CSMD1: variants seen among roughly 807,000 people sequenced by gnomAD.
CSMD1 encodes the protein CUB and Sushi multiple domains 1.
In CSMD1, 213 loss-of-function variants were observed where a neutral mutation model predicts 417.5. The observed-to-expected ratio is 0.51, with a 90% confidence interval of 0.46 to 0.57. CSMD1 has a LOEUF of 0.57. CSMD1 is among the 20% of genes least tolerant of loss of function. CSMD1 has a pLI of 0.00. For synonymous variants in CSMD1, 2,862 were observed against 1,736.8 expected, an observed-to-expected ratio of 1.65 and a Z score of -16.11; for missense variants, 6,923 against 4,529.7, an observed-to-expected ratio of 1.53 and a Z score of -15.17.
chr8:3,644,966 G>GAAAAAAAAAAAAAACA (rs1797501956), intron 7 of CSMD1, among the ~76,000 whole-genome samples: 1 of 64,544 alleles, frequency 1.5e-5, no homozygotes, highest in African/African-American at 8.0e-5. Flanking sequence ...GGCTTTAAAT[G>GAAAAAAAAAAAAAACA]AAAAAAAAAA....
At chr8:2,944,483 T>C (rs1318856275) in intron 68 of CSMD1, among the ~76,000 whole-genome samples, 2 of 152,170 alleles carry the variant, frequency 1.3e-5, no homozygotes, top group African/African-American at 2.4e-5. Context: ...GAAAATCATA[T>C]GTTAGTACAT....
At chr8:4,486,204 CAT>C (rs1200901429) in intron 2 of CSMD1, among the ~76,000 whole-genome samples, 1,219 of 16,524 alleles carry the variant, frequency 0.074, 66 homozygotes, top group African/African-American at 0.14. Flanking sequence ...TATATACATA[CAT>C]ATATATATAT....
At chr8:4,089,190 G>C (rs1415087038) in intron 3 of CSMD1, among the ~76,000 whole-genome samples, 1 of 152,146 alleles carries the variant, frequency 6.6e-6, no homozygotes, top group Non-Finnish European at 1.5e-5. Flanking sequence ...CAATCTGTTT[G>C]GCTGCCTGCC....
intron 6 of CSMD1, among the ~76,000 whole-genome samples, chr8:3,728,997 A>C (rs1398329981): frequency 6.6e-6 from 1 of 152,172 alleles, no homozygotes; most frequent in African/African-American, 2.4e-5. Flanking sequence ...GTGTGATGCT[A>C]CTGTCCTCTG....
chr8:3,145,518 A>T (rs1318796992), intron 40 of CSMD1, among the ~76,000 whole-genome samples: 2 of 152,196 alleles, frequency 1.3e-5, no homozygotes, highest in Non-Finnish European at 2.9e-5. Context: ...ATTCAGTTTG[A>T]AAAGGAAATG....
chr8:3,569,610 G>A (rs1461204897), intron 10 of CSMD1, among the ~76,000 whole-genome samples: 1 of 152,182 alleles, frequency 6.6e-6, no homozygotes, highest in Non-Finnish European at 1.5e-5. Flanking sequence ...TCTGGCAAGA[G>A]TCATTGCATG....
At chr8:4,480,916 A>G (rs892126086) in intron 2 of CSMD1, among the ~76,000 whole-genome samples, 12 of 152,144 alleles carry the variant, frequency 7.9e-5, no homozygotes, top group Non-Finnish European at 1.6e-4. Context: ...TGTTGAGTTC[A>G]TCATCTTAGT....
chr8:4,175,514 T>C (rs907817291), intron 3 of CSMD1, among the ~76,000 whole-genome samples: 1 of 151,500 alleles, frequency 6.6e-6, no homozygotes, highest in African/African-American at 2.4e-5. Context: ...CAAAGACAAC[T>C]GATAGAAGCC....
chr8:2,977,506 T>C (rs542842805), intron 55 of CSMD1, among the ~76,000 whole-genome samples: 2 of 152,324 alleles, frequency 1.3e-5, no homozygotes, highest in Non-Finnish European at 2.9e-5. Context: ...GTTTTACTGA[T>C]GGGCACTTGG....
Position 4,637,485 on chromosome 8 carries a change from C to G in CSMD1, c.159G>C (p.Pro53=), listed in dbSNP as rs752200510. ...TGATCCAGGTGCAGTTGGCATAGTT[C>G]GGATACCCGTGAGGAAACCCTGGGC... ...IESPGFPHGY[P]NYANCTWIII... Residue 53 remains proline, a synonymous_variant, in exon 2 of 70, where the codon CCG becomes CCC. Transcript: ENST00000635120. 1.9e-6 allele frequency: 3 copies of G among 1,613,636 alleles called. No homozygotes were observed. In the African/African-American group the frequency reaches 4.0e-5, roughly 22 times the overall value.
intron 3 of CSMD1, among the ~76,000 whole-genome samples, chr8:4,402,602 A>C (rs549785065): frequency 6.6e-6 from 1 of 152,114 alleles, no homozygotes; most frequent in Admixed American, 6.5e-5. Flanking sequence ...TGAATATTAC[A>C]TTACTGCTCC....
In CSMD1 at chr8:4,347,345, T is replaced by A. The variant is rs2128898586; in HGVS notation, c.415+72608A>T. On this transcript the variant is annotated intron_variant, in intron 3 of 69. Transcript: ENST00000635120. ...GTCTATAGCATAGGACAAAACTACATAATATAATCGATACTCTCTGCTCTT... is the reference window on the plus strand; with the variant it reads ...GTCTATAGCATAGGACAAAACTACAAAATATAATCGATACTCTCTGCTCTT... 2.0e-5 allele frequency among the ~76,000 whole-genome samples: 3 copies of A among 152,280 alleles called. No individual in the cohort carries two copies. The East Asian group carries it at 5.8e-4, about 29-fold the overall frequency.
rs1585600734 is a variant in CSMD1, at chr8:3,188,735, T to C, written c.5523+152A>G. ...ATACTAAGAAAAGGGAAACAGAGTATAGTCTATGTATTTAAAATAACCAGT... is the reference window on the plus strand; with the variant it reads ...ATACTAAGAAAAGGGAAACAGAGTACAGTCTATGTATTTAAAATAACCAGT... On this transcript the variant is annotated intron_variant, in intron 35 of 69. Transcript: ENST00000635120. 2.6e-5 allele frequency among the ~76,000 whole-genome samples: 4 copies of C among 151,988 alleles called. No homozygotes were observed. In the South Asian group the frequency reaches 8.3e-4, roughly 32 times the overall value.
chr8:4,610,741 A>C (rs551080164), intron 2 of CSMD1, among the ~76,000 whole-genome samples: 74 of 152,322 alleles, frequency 4.9e-4, no homozygotes, highest in African/African-American at 1.6e-3. Context: ...CTTCATGACT[A>C]CACTGCCAAT....
intron 5 of CSMD1, among the ~76,000 whole-genome samples, chr8:3,973,759 C>G (rs73658515): frequency 2.0e-5 from 3 of 152,132 alleles, no homozygotes; most frequent in Admixed American, 2.0e-4. Context: ...TGCAAACCAA[C>G]CAGTGTTTCA....
intron 3 of CSMD1, among the ~76,000 whole-genome samples, chr8:4,349,308 C>T (rs994128460): frequency 2.6e-5 from 4 of 152,174 alleles, no homozygotes; most frequent in Admixed American, 6.5e-5. Context: ...TATTTTTCTA[C>T]ACTCTAAGAC....
In CSMD1 at chr8:2,961,121, G is replaced by C; in HGVS notation, c.9702+20C>G. 2 of 1,476,258 alleles carry C rather than the reference G, an allele frequency of 1.4e-6. No homozygotes were observed. Among genetic ancestry groups the C allele is most frequent in the Non-Finnish European group, 1.8e-6 (2 of 1,085,020 alleles). 91.4% of individuals were successfully genotyped at this position (1,476,258 alleles called of 1,614,324 possible). On this transcript the variant is annotated intron_variant, in intron 62 of 69. Transcript: ENST00000635120. ...TTTATATTTCCAGAAAGAAAACATA[G>C]TAAATTCATAATGAACTACCTCATA...
At chr8:4,395,100 T>C (rs1292329289) in intron 3 of CSMD1, among the ~76,000 whole-genome samples, 1 of 152,100 alleles carries the variant, frequency 6.6e-6, no homozygotes, top group African/African-American at 2.4e-5. Context: ...CACATGAACC[T>C]CCGCTGGGAG....
In CSMD1 at chr8:3,899,175, C is replaced by A. The variant is rs577760244; in HGVS notation, c.818+98728G>T. ...TTGCCAGTACTGTCAAAGGTGCTTACGGCCTAGGACAGGAGGCCAATCAAC... is the reference window on the plus strand; with the variant it reads ...TTGCCAGTACTGTCAAAGGTGCTTAAGGCCTAGGACAGGAGGCCAATCAAC... On this transcript the variant is annotated intron_variant, in intron 5 of 69. Coordinates refer to ENST00000635120, the MANE Select transcript of CSMD1 (RefSeq NM_033225.6). 2.3e-4 allele frequency among the ~76,000 whole-genome samples: 35 copies of A among 152,294 alleles called. No homozygotes were observed. In the South Asian group the frequency reaches 6.4e-3, roughly 28 times the overall value.
Sources: allele counts gnomAD v4.1 joint callset (sites outside exome capture counted in the v4.1 genomes callset), GRCh38; gene constraint gnomAD v4.1.1; transcripts MANE v1.5; gene names NCBI Gene and HGNC (gene_info 2026-07-23, HGNC 2026-07-21).